Variants in XYLT1 observed in about 807,000 individuals in gnomAD.
XYLT1 encodes the protein beta-D-xylosyltransferase 1.
XYLT1 carries 36 observed loss-of-function variants against 91.3 expected under a neutral mutation model. The observed-to-expected ratio is 0.39, with a 90% CI of 0.30 to 0.52. The LOEUF (loss-of-function observed/expected upper bound fraction) is 0.52. XYLT1 is among the 20% of genes least tolerant of loss of function. The pLI is 0.68. For missense variants in XYLT1, 1,242 were observed against 1,284.5 expected, an observed-to-expected ratio of 0.97 and a Z score of 0.51; for synonymous variants, 588 against 532.0, an observed-to-expected ratio of 1.11 and a Z score of -1.45.
chr16:17,429,785 C>A (rs959937587), intron 1 of XYLT1, among the ~76,000 whole-genome samples: 3 of 152,074 alleles, frequency 2.0e-5, no homozygotes, highest in Admixed American at 6.6e-5. Context: ...CAGCTCAGAC[C>A]GGGATTTACA....
intron 3 of XYLT1, among the ~76,000 whole-genome samples, chr16:17,248,189 A>G (rs1201067418): frequency 6.6e-6 from 1 of 152,196 alleles, no homozygotes; most frequent in Non-Finnish European, 1.5e-5. Flanking sequence ...GGTTTTATAA[A>G]GAGGAATCTC....
intron 1 of XYLT1, among the ~76,000 whole-genome samples, chr16:17,382,853 C>G (rs985710017): frequency 6.6e-6 from 1 of 151,892 alleles, no homozygotes; most frequent in Non-Finnish European, 1.5e-5. Context: ...AGGAGTAACT[C>G]CCATCCCCAT....
chr16:17,258,146 G>T (rs979217633), intron 3 of XYLT1, among the ~76,000 whole-genome samples: 16 of 151,210 alleles, frequency 1.1e-4, no homozygotes, highest in African/African-American at 3.6e-4. Context: ...AAAGAGCAAG[G>T]AAAGGTGGAA....
At chr16:17,208,122 G>C (rs980762421) in intron 3 of XYLT1, among the ~76,000 whole-genome samples, 4 of 152,100 alleles carry the variant, frequency 2.6e-5, no homozygotes, top group African/African-American at 9.6e-5. Flanking sequence ...AAGTAGCTGG[G>C]ACTATAGGTG....
At chr16:17,165,533 A>G (rs1053169741) in intron 5 of XYLT1, among the ~76,000 whole-genome samples, 1 of 150,976 alleles carries the variant, frequency 6.6e-6, no homozygotes, top group Non-Finnish European at 1.5e-5. Context: ...AAAAATACAA[A>G]AAAAAAAAAA....
chr16:17,299,158 C>T (rs961330876), intron 2 of XYLT1, among the ~76,000 whole-genome samples: 2 of 152,094 alleles, frequency 1.3e-5, no homozygotes, highest in Non-Finnish European at 2.9e-5. Context: ...GGAATGAATG[C>T]CTGGATGCAT....
intron 1 of XYLT1, among the ~76,000 whole-genome samples, chr16:17,427,360 G>A (rs1191055518): frequency 6.6e-6 from 1 of 152,206 alleles, no homozygotes; most frequent in Non-Finnish European, 1.5e-5. Context: ...GTGCAGTGGT[G>A]CGATCTCGCC....
intron 1 of XYLT1, among the ~76,000 whole-genome samples, chr16:17,413,120 A>G (rs912474197): frequency 1.3e-5 from 2 of 152,218 alleles, no homozygotes; most frequent in Admixed American, 1.3e-4. Flanking sequence ...CCTGACACGC[A>G]GTAGGCAGTC....
At chr16:17,202,479 C>T (rs2032561104) in intron 3 of XYLT1, among the ~76,000 whole-genome samples, 1 of 152,216 alleles carries the variant, frequency 6.6e-6, no homozygotes, top group African/African-American at 2.4e-5. Context: ...CACATTCCAT[C>T]TTGTCCTCTG....
At chr16:17,169,109 T>C (rs150789267) in intron 5 of XYLT1, among the ~76,000 whole-genome samples, 17 of 152,322 alleles carry the variant, frequency 1.1e-4, no homozygotes, top group East Asian at 1.9e-4. Flanking sequence ...GTGGGTAAGA[T>C]GGTTGTGGCA....
At chr16:17,323,558 C>G (rs2034755989) in intron 2 of XYLT1, among the ~76,000 whole-genome samples, 1 of 152,162 alleles carries the variant, frequency 6.6e-6, no homozygotes, top group Non-Finnish European at 1.5e-5. Context: ...AAGCGGTAAA[C>G]AGCAAATTAT....
At chr16:17,291,809 A>G (rs1320247298) in intron 2 of XYLT1, among the ~76,000 whole-genome samples, 2 of 152,196 alleles carry the variant, frequency 1.3e-5, no homozygotes, top group African/African-American at 4.8e-5. Context: ...TAAACAAAAG[A>G]CACTGTTCCA....
intron 2 of XYLT1, among the ~76,000 whole-genome samples, chr16:17,330,569 C>A (rs1178377879): frequency 6.6e-6 from 1 of 151,844 alleles, no homozygotes; most frequent in Non-Finnish European, 1.5e-5. Flanking sequence ...GGCAGATCTC[C>A]TAAGGTCAGG....
In XYLT1 at chr16:17,105,929, A is replaced by T. The variant is rs974041803; in HGVS notation, c.*2766T>A. On this transcript the variant is annotated 3_prime_UTR_variant, in exon 12 of 12. Coordinates refer to ENST00000261381, the MANE Select transcript of XYLT1 (RefSeq NM_022166.4). ...TTTGGGATTTTCCTTAAAAAAAAAA[A>T]CAAAACACAAAAACACAACAAATGT... is the stretch of plus-strand genomic sequence containing the variant. 6.6e-6 allele frequency: 1 copy of T among 151,966 alleles called. No individual in the cohort carries two copies. Among genetic ancestry groups the T allele is most frequent in the Non-Finnish European group, 1.5e-5 (1 of 67,986 alleles). 9.4% of individuals were successfully genotyped at this position (151,966 alleles called of 1,614,324 possible).
chr16:17,194,756 C>G (rs2032390767), intron 5 of XYLT1, among the ~76,000 whole-genome samples: 1 of 152,240 alleles, frequency 6.6e-6, no homozygotes, highest in Admixed American at 6.5e-5. Flanking sequence ...GAAACTGGTT[C>G]TAATCCCCAC....
intron 3 of XYLT1, chr16:17,249,754 G>C (rs530546111): frequency 6.6e-6 from 1 of 152,058 alleles, no homozygotes; most frequent in East Asian, 1.9e-4. Context: ...CTGCAACCTT[G>C]ACCTCCCGGG....
intron 2 of XYLT1, among the ~76,000 whole-genome samples, chr16:17,279,508 C>A (rs2034025995): frequency 6.6e-6 from 1 of 152,164 alleles, no homozygotes; most frequent in African/African-American, 2.4e-5. Flanking sequence ...CCAACACAGC[C>A]CCTTCAAGTC....
intron 2 of XYLT1, among the ~76,000 whole-genome samples, chr16:17,320,549 G>A (rs571011238): frequency 3.4e-5 from 5 of 146,466 alleles, no homozygotes; most frequent in African/African-American, 1.3e-4. Flanking sequence ...GTGCGATATC[G>A]GCTCACTGCA....
intron 3 of XYLT1, among the ~76,000 whole-genome samples, chr16:17,258,168 A>G (rs974799682): frequency 7.2e-5 from 11 of 151,974 alleles, no homozygotes; most frequent in Admixed American, 1.3e-4. Flanking sequence ...GAAGGAAGGA[A>G]GGAAGGAAGT....
Sources: gnomAD v4.1 joint callset for allele counts (sites outside exome capture counted in the v4.1 genomes callset) on GRCh38, gnomAD v4.1.1 for gene constraint, MANE v1.5 for transcripts, NCBI Gene and HGNC (gene_info 2026-07-23, HGNC 2026-07-21) for gene names.